The following DNAJC8 variants were observed in gnomAD, a reference collection of about 807,000 sequenced individuals.
DNAJC8 encodes dnaJ homolog subfamily C member 8.
In DNAJC8, 24 loss-of-function variants were observed where a neutral mutation model predicts 43.2. The observed-to-expected ratio is 0.56, with a 90% CI of 0.40 to 0.78. The LOEUF (loss-of-function observed/expected upper bound fraction) is 0.78. Among genes scored for constraint, DNAJC8 ranks in the 30% least tolerant of loss-of-function variants. The pLI is 0.00. For synonymous variants in DNAJC8, 83 were observed against 98.0 expected, an observed-to-expected ratio of 0.85 and a Z score of 0.90; for missense variants, 207 against 299.4, an observed-to-expected ratio of 0.69 and a Z score of 2.28.
intron 2 of DNAJC8, among the ~76,000 whole-genome samples, chr1:28,226,653 A>G (rs1379479992): frequency 6.6e-6 from 1 of 151,276 alleles, no homozygotes; most frequent in African/African-American, 2.4e-5. Flanking sequence ...TTACTTACAC[A>G]TCTATTGTGT....
At position 28,203,859 on chromosome 1, in the gene DNAJC8, C is replaced by T. The variant is rs367583259; in HGVS notation, c.564-37G>A. 2.2e-5 allele frequency: 35 copies of T among 1,579,174 alleles called. No homozygotes were observed. The African/African-American group carries it at 3.6e-4, about 16-fold the overall frequency. ...ACCAGATCATAGTATTTATATGATA[C>T]TTACAGACTGAATTAACCATACAAG... On this transcript the variant is annotated intron_variant, in intron 7 of 8. Transcript: ENST00000263697.
intron 2 of DNAJC8, among the ~76,000 whole-genome samples, chr1:28,217,518 C>T (rs1038951905): frequency 4.6e-5 from 7 of 151,996 alleles, no homozygotes; most frequent in Admixed American, 2.0e-4. Context: ...CAAGTCAGTG[C>T]GCCCCACTCT....
At chr1:28,209,656 C>T (rs1170327984) in intron 5 of DNAJC8, among the ~76,000 whole-genome samples, 3 of 152,186 alleles carry the variant, frequency 2.0e-5, no homozygotes, top group African/African-American at 4.8e-5. Context: ...GGCTGCTCCA[C>T]GTTTCCACTC....
At chr1:28,232,138 G>A (rs931312234) in intron 1 of DNAJC8, among the ~76,000 whole-genome samples, 1 of 151,792 alleles carries the variant, frequency 6.6e-6, no homozygotes, top group African/African-American at 2.4e-5. Flanking sequence ...GCAGTGGTCC[G>A]ATCATAGGTC....
chr1:28,206,929 G>A (rs1181832075), intron 6 of DNAJC8, among the ~76,000 whole-genome samples: 3 of 152,014 alleles, frequency 2.0e-5, no homozygotes, highest in African/African-American at 7.3e-5. Context: ...AACATCAAAG[G>A]GATAAAGGAG....
Position 28,229,479 on chromosome 1 carries a change from G to GA in DNAJC8, c.79-457dup, listed in dbSNP as rs34166816. 0.015 allele frequency among the ~76,000 whole-genome samples: 2,233 copies of GA among 150,626 alleles called. 307 individuals carry two copies. In the East Asian group the frequency reaches 0.33, roughly 22 times the overall value. ...CTTCATTTATAGCTTTTAATTTTAA[G>GA]AAAAAAAAAATAGGCTGGGCACAGT... is the stretch of plus-strand genomic sequence containing the variant. On this transcript the variant is annotated intron_variant, in intron 1 of 8. Transcript: ENST00000263697.
At chr1:28,219,620 T>C (rs1646885232) in intron 2 of DNAJC8, among the ~76,000 whole-genome samples, 1 of 152,248 alleles carries the variant, frequency 6.6e-6, no homozygotes, top group South Asian at 2.1e-4. Flanking sequence ...GGTTTTCCTA[T>C]GGCTAAAGTT....
At chr1:28,212,168 A>AATAAAAAAAAAAAT (rs35950985) in intron 3 of DNAJC8, among the ~76,000 whole-genome samples, 1 of 31,022 alleles carries the variant, frequency 3.2e-5, no homozygotes, top group Non-Finnish European at 7.0e-5. Flanking sequence ...TAAATAAATA[A>AATAAAAAAAAAAAT]ATATATATAT....
chr1:28,232,914 T>C lies in DNAJC8; in HGVS notation c.78+7A>G. ...CCCGGTGCCACTACTCCTCACTCTG[T>C]GTTCACCTCACTGTAGAAGGTCATA... On this transcript the variant is annotated splice_region_variant and intron_variant, in intron 1 of 8. Coordinates refer to ENST00000263697, the MANE Select transcript of DNAJC8 (RefSeq NM_014280.3). 2 of 1,612,870 alleles carry C rather than the reference T, an allele frequency of 1.2e-6. No individual in the cohort carries two copies. Among genetic ancestry groups the C allele is most frequent in the South Asian group, 1.1e-5 (1 of 91,080 alleles).
At chr1:28,202,262 A>G (rs1336420750) in intron 8 of DNAJC8, among the ~76,000 whole-genome samples, 3 of 152,006 alleles carry the variant, frequency 2.0e-5, no homozygotes, top group South Asian at 2.1e-4. Flanking sequence ...GACGTTTAAC[A>G]TGGTTTTTTT....
At chr1:28,201,425 A>G in intron 8 of DNAJC8, 55 bp from the exon 9 acceptor site, 1 of 1,609,088 alleles carries the variant, frequency 6.2e-7, no homozygotes. Flanking sequence ...GGAAAGGCCT[A>G]AACCTGGTCT....
At chr1:28,217,525 C>T (rs1158761377) in intron 2 of DNAJC8, among the ~76,000 whole-genome samples, 2 of 152,108 alleles carry the variant, frequency 1.3e-5, no homozygotes, top group Non-Finnish European at 2.9e-5. Flanking sequence ...GTGCGCCCCA[C>T]TCTCATAACT....
At chr1:28,218,377 G>A (rs376505457) in intron 2 of DNAJC8, among the ~76,000 whole-genome samples, 7 of 151,832 alleles carry the variant, frequency 4.6e-5, no homozygotes, top group African/African-American at 1.7e-4. Flanking sequence ...TTACAGGCGT[G>A]AGCCACCGCA....
intron 8 of DNAJC8, 30 bp from the exon 9 acceptor site, chr1:28,201,400 G>C (rs1469179374): frequency 6.2e-7 from 1 of 1,613,156 alleles, no homozygotes; most frequent in Non-Finnish European, 8.5e-7. Flanking sequence ...GAGGTGAGGA[G>C]ACCAGTCAAT....
chr1:28,232,326 C>T (rs904972939), intron 1 of DNAJC8, among the ~76,000 whole-genome samples: 1 of 152,136 alleles, frequency 6.6e-6, no homozygotes, highest in Non-Finnish European at 1.5e-5. Flanking sequence ...ACTGAGCATC[C>T]ACTACATACT....
chr1:28,227,075 A>C (rs1646940327), intron 2 of DNAJC8, among the ~76,000 whole-genome samples: 1 of 54,622 alleles, frequency 1.8e-5, no homozygotes, highest in South Asian at 3.7e-4. Flanking sequence ...CAAGCATTGC[A>C]AAAAAAAAAA....
At chr1:28,208,242 TA>T in intron 6 of DNAJC8, 99 bp downstream of exon 6, 1 of 706,662 alleles carries the variant, frequency 1.4e-6, no homozygotes, top group Non-Finnish European at 2.2e-6. Flanking sequence ...AAATGTGAAA[TA>T]GCATATATTC....
At chr1:28,212,170 T>TAAATAA (rs1314233756) in intron 3 of DNAJC8, among the ~76,000 whole-genome samples, 309 of 23,664 alleles carry the variant, frequency 0.013, 3 homozygotes, top group African/African-American at 0.027. Context: ...AATAAATAAA[T>TAAATAA]ATATATATAT....
At chr1:28,219,441 G>A (rs1215652315) in intron 2 of DNAJC8, among the ~76,000 whole-genome samples, 6 of 152,092 alleles carry the variant, frequency 3.9e-5, no homozygotes, top group Non-Finnish European at 7.4e-5. Flanking sequence ...CCCGGGAGGC[G>A]GTGCTTGCAG....
Sources: allele counts gnomAD v4.1 joint callset (sites outside exome capture counted in the v4.1 genomes callset), GRCh38; gene constraint gnomAD v4.1.1; transcripts MANE v1.5; gene names NCBI Gene and HGNC (gene_info 2026-07-23, HGNC 2026-07-21).